Variants in BST1 observed in about 807,000 individuals in gnomAD.
The protein encoded by BST1 is bone marrow stromal cell antigen 1, also known as ADP-ribosyl cyclase/cyclic ADP-ribose hydrolase 2.
Under a neutral mutation model 40.6 loss-of-function variants are expected in BST1, and 49 were observed. That is an observed-to-expected ratio of 1.21 (90% CI 0.96 to 1.53). The LOEUF (loss-of-function observed/expected upper bound fraction) is 1.53. Ranked by LOEUF, BST1 falls within the 40% of genes most tolerant of loss-of-function variation. BST1 has a pLI of 0.00. For missense variants in BST1, 423 were observed against 395.9 expected (o/e 1.07, Z -0.58); for synonymous variants, 157 against 159.3 (o/e 0.99, Z 0.11).
At chr4:15,773,371 T>A in the BST1 span, among the ~76,000 whole-genome samples, 1 of 152,178 alleles carries the variant, frequency 6.6e-6, no homozygotes, top group Non-Finnish European at 1.5e-5. Context: ...AAGTTTAGTT[T>A]TGGACAGAAT....
chr4:15,715,854 A>G (rs1720488958), intron 6 of BST1, 55 bp downstream of exon 6: 3 of 1,286,194 alleles, frequency 2.3e-6, no homozygotes, highest in African/African-American at 1.5e-5. Context: ...TTTCTTGTAT[A>G]TAATATGATA....
chr4:15,768,732 A>AGG, the BST1 span, among the ~76,000 whole-genome samples: 3 of 151,342 alleles, frequency 2.0e-5, no homozygotes, highest in Non-Finnish European at 4.4e-5. Flanking sequence ...TCCTGACCTC[A>AGG]TGATCCACCC....
chr4:15,762,218 TAGAA>T, the BST1 span, among the ~76,000 whole-genome samples: 7 of 82,364 alleles, frequency 8.5e-5, no homozygotes, highest in Non-Finnish European at 1.3e-4. Flanking sequence ...AAAAAAAAAA[TAGAA>T]AGAACTTAAT....
intron 3 of BST1, among the ~76,000 whole-genome samples, chr4:15,711,325 T>A (rs931290201): frequency 6.6e-6 from 1 of 152,230 alleles, no homozygotes; most frequent in Non-Finnish European, 1.5e-5. Flanking sequence ...TATATATTTT[T>A]CAATTGTATA....
intron 8 of BST1, chr4:15,723,745 T>G: frequency 1.9e-6 from 1 of 536,294 alleles, no homozygotes; most frequent in Non-Finnish European, 2.4e-6. Context: ...GTATTTTAAA[T>G]TTTGATATGT....
intron 8 of BST1, among the ~76,000 whole-genome samples, chr4:15,727,254 C>A (rs757588101): frequency 2.6e-5 from 4 of 152,186 alleles, no homozygotes; most frequent in African/African-American, 7.2e-5. Flanking sequence ...GGGTCTCACA[C>A]CACAGCAGGT....
chr4:15,743,506 A>G, the BST1 span: 1 of 320,510 alleles, frequency 3.1e-6, no homozygotes, highest in Non-Finnish European at 6.1e-6. Context: ...TAAAACAGAA[A>G]AAAATCCTAC....
the BST1 span, among the ~76,000 whole-genome samples, chr4:15,762,975 T>C: frequency 4.6e-5 from 7 of 152,156 alleles, 1 homozygote; most frequent in African/African-American, 1.7e-4. Flanking sequence ...GATACTTAGG[T>C]TGATTTCATA....
downstream of BST1, among the ~76,000 whole-genome samples, chr4:15,737,537 C>A (rs759580493): frequency 2.6e-5 from 4 of 152,144 alleles, no homozygotes; most frequent in Non-Finnish European, 4.4e-5. Flanking sequence ...CAAACAGGTC[C>A]CAGCACCAGC....
intron 2 of BST1, 36 bp from the exon 3 acceptor site, chr4:15,707,475 G>A (rs778645668): frequency 6.2e-7 from 1 of 1,611,762 alleles, no homozygotes; most frequent in Non-Finnish European, 8.5e-7. Context: ...TTTTGATTCT[G>A]TTTTGTATTT....
the BST1 span, among the ~76,000 whole-genome samples, chr4:15,766,091 G>T: frequency 1.3e-5 from 2 of 151,900 alleles, no homozygotes; most frequent in African/African-American, 2.4e-5. Flanking sequence ...TAAGCACCAG[G>T]GACTTGCTAG....
chr4:15,716,194 C>T (rs1472917747), intron 6 of BST1, among the ~76,000 whole-genome samples: 1 of 152,172 alleles, frequency 6.6e-6, no homozygotes, highest in Non-Finnish European at 1.5e-5. Context: ...ACGTCATTCT[C>T]AGAGAACAAC....
chr4:15,741,434 T>C (rs544494120), downstream of BST1, among the ~76,000 whole-genome samples: 1 of 152,286 alleles, frequency 6.6e-6, no homozygotes, highest in African/African-American at 2.4e-5. Context: ...TACTGAAACA[T>C]TCTGTTCACA....
At chr4:15,761,321 A>G in the BST1 span, among the ~76,000 whole-genome samples, 34 of 152,122 alleles carry the variant, frequency 2.2e-4, no homozygotes, top group Non-Finnish European at 3.8e-4. Flanking sequence ...CTAGCTGTAC[A>G]GTTCTGGGAA....
At chr4:15,747,669 C>CATTT in the BST1 span, among the ~76,000 whole-genome samples, 17 of 152,170 alleles carry the variant, frequency 1.1e-4, no homozygotes, top group East Asian at 3.9e-4. Context: ...TTTTTAAAAA[C>CATTT]ATTTATTTAT....
At chr4:15,703,451 G>A in intron 1 of BST1, 119 bp downstream of exon 1, 2 of 1,419,930 alleles carry the variant, frequency 1.4e-6, no homozygotes, top group Non-Finnish European at 9.2e-7. Context: ...GGCCTTGAGG[G>A]GAGAGGTGAG....
rs752630803 is a variant in BST1, at chr4:15,703,170, C to G, written c.26C>G (p.Ser9Trp). MAAQGCAA[S>W]RLLQLLLQLL... is the part of the protein sequence containing the mutation. The stretch of plus-strand genomic sequence containing the variant: ...ATGGCGGCCCAGGGGTGCGCGGCAT[C>G]GCGGCTGCTCCAGCTGCTGCTGCAG... The change falls in exon 1 of 9, where the codon TCG (serine) becomes TGG (tryptophan). Residue 9 changes from serine (S) to tryptophan (W), a missense_variant. Coordinates refer to ENST00000265016, the MANE Select transcript of BST1 (RefSeq NM_004334.3). 1.9e-6 allele frequency: 3 copies of G among 1,567,110 alleles called. No homozygotes were observed. Among genetic ancestry groups the G allele is most frequent in the East Asian group, 4.8e-5 (2 of 41,928 alleles).
At chr4:15,718,456 A>T (rs1323387579) in intron 6 of BST1, among the ~76,000 whole-genome samples, 1 of 152,226 alleles carries the variant, frequency 6.6e-6, no homozygotes, top group Admixed American at 6.5e-5. Context: ...GTAATTTTTT[A>T]AAATTTTTGT....
Position 15,723,048 on chromosome 4 carries a change from T to G in BST1, c.851+114T>G. The G allele has an allele frequency of 3.1e-6, 3 of 970,196 alleles. No homozygotes were observed. In the South Asian group the frequency reaches 4.5e-5, roughly 15 times the overall value. 60.1% of individuals were successfully genotyped at this position (970,196 alleles called of 1,614,324 possible). A position where few individuals can be genotyped will look rare whatever the true frequency, so the allele number is the denominator to read the frequency against. On this transcript the variant is annotated intron_variant, in intron 8 of 8. Coordinates refer to ENST00000265016, the MANE Select transcript of BST1 (RefSeq NM_004334.3). ...CAGAGGCAGATGTAAGTGTGCTCATTGGATTCTGGTTTGGCCTTATTTTTA... is the reference window on the plus strand; with the variant it reads ...CAGAGGCAGATGTAAGTGTGCTCATGGGATTCTGGTTTGGCCTTATTTTTA...
Sources: allele counts gnomAD v4.1 joint callset (sites outside exome capture counted in the v4.1 genomes callset), GRCh38; gene constraint gnomAD v4.1.1; transcripts MANE v1.5; gene names NCBI Gene and HGNC (gene_info 2026-07-23, HGNC 2026-07-21).